The following RNF213 variants were observed in gnomAD, a reference collection of about 807,000 sequenced individuals.
RNF213 encodes the protein E3 ubiquitin-protein ligase RNF213.
In RNF213, 341 loss-of-function variants were observed where a neutral mutation model predicts 514.4. The observed-to-expected ratio is 0.66, with a 90% CI of 0.61 to 0.73. The LOEUF (loss-of-function observed/expected upper bound fraction) is 0.73, where lower values mean the gene tolerates loss of function less well. Ranked by LOEUF, RNF213 falls within the 30% of genes least tolerant of loss-of-function variation. RNF213 has a pLI of 0.00. For missense variants in RNF213, 5,767 were observed against 6,615.6 expected, an observed-to-expected ratio of 0.87 and a Z score of 4.45; for synonymous variants, 2,655 against 2,658.2, an observed-to-expected ratio of 1.00 and a Z score of 0.04.
In RNF213 at chr17:80,376,413, G is replaced by A. The variant is rs761606665; in HGVS notation, c.13298G>A (p.Gly4433Glu). ...VDNSVPLLRA[G>E]PSDSNLDGTV... is the part of the protein sequence containing the mutation. ...AATTCTGTGCCATTGTTGAGGGCGGGGCCTAGTGACAGCAACCTTGATGGA... is the reference window on the plus strand; with the variant it reads ...AATTCTGTGCCATTGTTGAGGGCGGAGCCTAGTGACAGCAACCTTGATGGA... The change falls in exon 52 of 68, where the codon GGG becomes GAG. Residue 4433 changes from glycine (G) to glutamate (E), a missense_variant. By Grantham distance (98) the Gly-to-Glu change is moderately conservative (BLOSUM62 -2). Coordinates refer to ENST00000582970, the MANE Select transcript of RNF213 (RefSeq NM_001256071.3). 3.1e-6 allele frequency: 5 copies of A among 1,614,078 alleles called. No homozygotes were observed. The highest frequency in any genetic ancestry group is 4.2e-6 in the Non-Finnish European group (5 of 1,180,052).
In RNF213 at chr17:80,288,915, A is replaced by T. The variant is rs184252795; in HGVS notation, c.933+160A>T. Among the ~76,000 whole-genome samples, 178 of 152,330 alleles carry T rather than the reference A, an allele frequency of 1.2e-3. No homozygotes were observed. Among genetic ancestry groups the T allele is most frequent in the African/African-American group, 4.1e-3 (171 of 41,572 alleles). ...GGTGCTCACATTCCAGCGGAGAGAG[A>T]GTCAGGAAACCGACTTCAGCGGTGA... On this transcript the variant is annotated intron_variant, in intron 5 of 67. Transcript: ENST00000582970. The surrounding 1 kb of genome is among the most constrained non-coding windows in gnomAD (Gnocchi z 4.9).
chr17:80,339,176 C>G lies in RNF213; in HGVS notation c.4834-25C>G. The G allele has an allele frequency of 2.7e-6, 4 of 1,455,220 alleles. No homozygotes were observed. In the East Asian group the frequency reaches 1.0e-4, roughly 36 times the overall value. The allele number at this position is 1,455,220 out of a possible 1,614,324, so 90.1% of individuals were successfully genotyped here. A position where few individuals can be genotyped will look rare whatever the true frequency, so the allele number is the denominator to read the frequency against. ...TACCCTCTCGCATGGCTCTGTGAGC[C>G]AACCTCATGGTTCTGCCTCTCCAGG... On this transcript the variant is annotated intron_variant, in intron 25 of 67. Coordinates refer to ENST00000582970, the MANE Select transcript of RNF213 (RefSeq NM_001256071.3).
At position 80,353,766 on chromosome 17, in the gene RNF213, G is replaced by A. The variant is rs919294082; in HGVS notation, c.10578+100G>A. Reference sequence around the variant, plus strand: ...ATTGGGAGCTAGAGGAGTCGCCGCCGCTGTGCAGGGGTGAGGATGGCGCCC... The same window carrying A: ...ATTGGGAGCTAGAGGAGTCGCCGCCACTGTGCAGGGGTGAGGATGGCGCCC... On this transcript the variant is annotated intron_variant, in intron 34 of 67. Coordinates refer to ENST00000582970, the MANE Select transcript of RNF213 (RefSeq NM_001256071.3). This position sits in a 1 kb window ranked among gnomAD's most constrained non-coding sequence, Gnocchi z 5.0. The A allele has an allele frequency of 4.0e-6, 6 of 1,505,266 alleles. No homozygotes were observed. Among genetic ancestry groups the A allele is most frequent in the Non-Finnish European group, 4.6e-6 (5 of 1,084,132 alleles). 93.2% of individuals were successfully genotyped at this position (1,505,266 alleles called of 1,614,324 possible). A position where few individuals can be genotyped will look rare whatever the true frequency, so the allele number is the denominator to read the frequency against.
In RNF213 at chr17:80,369,969, A is replaced by G. The variant is rs113392257; in HGVS notation, c.12425+102A>G. On this transcript the variant is annotated intron_variant, in intron 46 of 67. Transcript: ENST00000582970. ...TCTTGTCGTGACTAGTAGCTAGTAC[A>G]TGATCTTGGGGAGCTTTTTCGGTGA... The G allele has an allele frequency of 2.4e-3, 1,993 of 843,486 alleles. 25 individuals carry two copies. The African/African-American group carries it at 0.028, about 12-fold the overall frequency. The allele number at this position is 843,486 out of a possible 1,614,324, so 52.3% of individuals were successfully genotyped here.
intron 14 of RNF213, among the ~76,000 whole-genome samples, chr17:80,310,741 A>C (rs2045542954): frequency 6.6e-6 from 1 of 151,930 alleles, no homozygotes; most frequent in Non-Finnish European, 1.5e-5. Flanking sequence ...TAGTCGAGAC[A>C]GGATTTCTAC....
In RNF213 at chr17:80,288,740, C is replaced by G; in HGVS notation, c.918C>G (p.Phe306Leu). Reference sequence around the variant, plus strand: ...AGCCACCAGCAACCACTCCTCCTTTCAAAACACACTGCCAGGTGCGTCTCC... The same window carrying G: ...AGCCACCAGCAACCACTCCTCCTTTGAAAACACACTGCCAGGTGCGTCTCC... ...MKQPPATTPPFKTHCQEAETK... is the reference protein window; with the variant it reads ...MKQPPATTPPLKTHCQEAETK... Residue 306 changes from phenylalanine (F) to leucine (L), a missense_variant, in exon 5 of 68, where the codon TTC becomes TTG. Physicochemically the swap from Phe to Leu is conservative, Grantham distance 22. This residue lies in a region of RNF213 where 509 missense variants were observed against 496.7 expected (regional missense o/e 1.02). Transcript: ENST00000582970. This position sits in a 1 kb window ranked among gnomAD's most constrained non-coding sequence, Gnocchi z 4.9. 1 of 1,614,208 alleles carries G rather than the reference C, an allele frequency of 6.2e-7. No homozygotes were observed. Among genetic ancestry groups the G allele is most frequent in the Non-Finnish European group, 8.5e-7 (1 of 1,180,044 alleles).
intron 2 of RNF213, among the ~76,000 whole-genome samples, chr17:80,269,132 G>A (rs2043709940): frequency 6.6e-6 from 1 of 152,164 alleles, no homozygotes; most frequent in Admixed American, 6.5e-5. Flanking sequence ...CCCACCTTCT[G>A]CCTGCTTTGT....
chr17:80,275,545 A>T (rs1444625997), intron 3 of RNF213, among the ~76,000 whole-genome samples: 1 of 152,144 alleles, frequency 6.6e-6, no homozygotes, highest in Non-Finnish European at 1.5e-5. Context: ...AGCAGGACGC[A>T]CTCGAAAAAG....
chr17:80,385,485 C>G (rs1179732452), intron 60 of RNF213, 53 bp from the exon 61 acceptor site: 4 of 1,528,822 alleles, frequency 2.6e-6, no homozygotes, highest in South Asian at 1.1e-5. Flanking sequence ...GGTGGTTTGG[C>G]CCTTTCAGGG....
chr17:80,291,646 C>A lies in RNF213; in HGVS notation c.1290C>A (p.Arg430=). Residue 430 remains arginine, a synonymous_variant, in exon 8 of 68, where the codon CGC becomes CGA. Transcript: ENST00000582970. The stretch of plus-strand genomic sequence containing the variant: ...TTCACAGAGACTTGGGTCATGACCG[C>A]GTTCTTGTTGAAGGCATTGTCTGCA... The part of the protein sequence containing the change: ...LHYTRDLGHD[R]VLVEGIVCIS... 6.2e-7 allele frequency: 1 copy of A among 1,614,190 alleles called. No individual in the cohort carries two copies. Among genetic ancestry groups the A allele is most frequent in the Non-Finnish European group, 8.5e-7 (1 of 1,180,044 alleles).
chr17:80,339,103 G>A, intron 25 of RNF213, 98 bp from the exon 26 acceptor site: 3 of 1,020,812 alleles, frequency 2.9e-6, no homozygotes, highest in Non-Finnish European at 4.2e-6. Flanking sequence ...CCTGTGGACA[G>A]GGCCGTCTTT....
chr17:80,354,036 C>CA lies in RNF213; in HGVS notation c.10597dup (p.Thr3533AsnfsTer38), dbSNP rs1374118129. ...ACCAACAGGTGTCGATCCTGGACAC[C>CA]ACCAGGCTGCTGAGAAGCTGTGTGC... On this transcript the variant is annotated frameshift_variant, in exon 35 of 68. Coordinates refer to ENST00000582970, the MANE Select transcript of RNF213 (RefSeq NM_001256071.3). LOFTEE classifies it high-confidence loss of function. 5 of 1,613,780 alleles carry CA rather than the reference C, an allele frequency of 3.1e-6. No homozygotes were observed. Among genetic ancestry groups the CA allele is most frequent in the Non-Finnish European group, 4.2e-6 (5 of 1,180,038 alleles).
At chr17:80,357,331 C>G (rs1242983261) in intron 36 of RNF213, among the ~76,000 whole-genome samples, 1 of 150,642 alleles carries the variant, frequency 6.6e-6, no homozygotes, top group Non-Finnish European at 1.5e-5. Flanking sequence ...AACCAATTAT[C>G]TTTCTGTCTG....
chr17:80,261,954 T>A (rs955246563), intron 1 of RNF213, among the ~76,000 whole-genome samples: 1 of 152,082 alleles, frequency 6.6e-6, no homozygotes, highest in Non-Finnish European at 1.5e-5. Context: ...GAGGCGGAGG[T>A]TGCAGTGAGC....
In RNF213 at chr17:80,343,123, A is replaced by G; in HGVS notation, c.5990-9A>G. ...ACTCCCAGCCCTAATTTCTGTATTAATGTTATAGGAAAGTCTCTGTACGTG... is the reference window on the plus strand; with the variant it reads ...ACTCCCAGCCCTAATTTCTGTATTAGTGTTATAGGAAAGTCTCTGTACGTG... On this transcript the variant is annotated splice_polypyrimidine_tract_variant and intron_variant, in intron 26 of 67. Transcript: ENST00000582970. The surrounding 1 kb of genome is among the most constrained non-coding windows in gnomAD (Gnocchi z 4.3). The G allele has an allele frequency of 6.2e-7, 1 of 1,611,600 alleles. No individual in the cohort carries two copies. The highest frequency in any genetic ancestry group is 8.5e-7 in the Non-Finnish European group (1 of 1,177,812).
chr17:80,368,952 T>A (rs1599153562), intron 44 of RNF213, among the ~76,000 whole-genome samples: 1 of 152,228 alleles, frequency 6.6e-6, no homozygotes, highest in Non-Finnish European at 1.5e-5. Context: ...AGTGGATGGG[T>A]TCTTTGACAT....
rs1284921794 is a variant in RNF213 at position 80,363,694 on chromosome 17, T to C, written c.11654T>C (p.Leu3885Ser). Residue 3885 changes from leucine (L) to serine (S), a missense_variant, in exon 41 of 68, where the codon TTG (leucine) becomes TCG (serine). Around this residue, in one of 13 missense-constraint regions of RNF213, gnomAD observed 355 missense variants for 358.0 expected, o/e 0.99. Transcript: ENST00000582970. ...LKPSPQAWLQLVKNLSMPLEL... is the reference protein window; with the variant it reads ...LKPSPQAWLQSVKNLSMPLEL... ...CCCAGTCCCCAGGCGTGGCTACAGT[T>C]GGTGAAGAATCTTTCCATGCCGCTG... 1 of 1,613,954 alleles carries C rather than the reference T, an allele frequency of 6.2e-7. No homozygotes were observed. The highest frequency in any genetic ancestry group is 1.7e-5 in the Admixed American group (1 of 60,016).
At chr17:80,281,092 C>G (rs1472973833) in intron 3 of RNF213, among the ~76,000 whole-genome samples, 1 of 145,164 alleles carries the variant, frequency 6.9e-6, no homozygotes, top group African/African-American at 2.6e-5. Flanking sequence ...CCACACATAC[C>G]CCACTCACAC....
chr17:80,358,524 C>G lies in RNF213; in HGVS notation c.11054+45C>G, dbSNP rs766605849. 1.9e-6 allele frequency: 3 copies of G among 1,548,902 alleles called. No individual in the cohort carries two copies. In the African/African-American group the frequency reaches 4.1e-5, roughly 21 times the overall value. ...TCCCTGGGGAGAGAAACTATCAGAA[C>G]ACAGCAGGACCCTAATATGCTCTCC... On this transcript the variant is annotated intron_variant, in intron 37 of 67. Coordinates refer to ENST00000582970, the MANE Select transcript of RNF213 (RefSeq NM_001256071.3).
Sources: allele counts gnomAD v4.1 joint callset (sites outside exome capture counted in the v4.1 genomes callset), GRCh38; gene constraint gnomAD v4.1.1; regional missense constraint gnomAD v4.1.1; non-coding constraint Gnocchi (gnomAD v3.1); transcripts MANE v1.5; gene names NCBI Gene and HGNC (gene_info 2026-07-23, HGNC 2026-07-21).